Variants in SLIT1 observed in about 807,000 individuals in gnomAD.
SLIT1 encodes slit homolog 1 protein.
SLIT1 carries 66 observed loss-of-function variants against 186.1 expected under a neutral mutation model. That is an observed-to-expected ratio of 0.35 (90% CI 0.29 to 0.44). The LOEUF is 0.44. Among genes scored for constraint, SLIT1 ranks in the 20% least tolerant of loss-of-function variants. SLIT1 has a pLI of 1.00. For synonymous variants in SLIT1, 761 were observed against 833.8 expected (o/e 0.91, Z 1.50); for missense variants, 1,638 against 2,037.4 (o/e 0.80, Z 3.77).
At chr10:97,079,977 T>TGTTGC (rs1204148642) in intron 4 of SLIT1, among the ~76,000 whole-genome samples, 3 of 152,164 alleles carry the variant, frequency 2.0e-5, no homozygotes, top group Non-Finnish European at 4.4e-5. Context: ...CCAAATGCCT[T>TGTTGC]CTCTGCCTTG....
intron 4 of SLIT1, among the ~76,000 whole-genome samples, chr10:97,075,625 G>T (rs530290841): frequency 6.6e-6 from 1 of 152,204 alleles, no homozygotes; most frequent in Admixed American, 6.5e-5. Context: ...AGCCTCACAC[G>T]ACTGTTATCA....
intron 4 of SLIT1, chr10:97,102,036 A>G (rs1485141260): frequency 6.6e-6 from 1 of 152,212 alleles, no homozygotes; most frequent in Non-Finnish European, 1.5e-5. Flanking sequence ...CTCACCTGGC[A>G]GCTTGGACGA....
intron 4 of SLIT1, among the ~76,000 whole-genome samples, chr10:97,148,904 C>T (rs754039406): frequency 3.3e-5 from 5 of 152,218 alleles, no homozygotes; most frequent in Non-Finnish European, 7.3e-5. Context: ...CCAATGGTTA[C>T]GAATTCCGTT....
chr10:97,019,705 G>C (rs1323725087), intron 26 of SLIT1, among the ~76,000 whole-genome samples: 1 of 152,144 alleles, frequency 6.6e-6, no homozygotes, highest in Non-Finnish European at 1.5e-5. Context: ...TCTCCAGGAT[G>C]CACTGGTTGT....
chr10:97,037,048 TTGTGTGTG>T (rs59578209), intron 22 of SLIT1, among the ~76,000 whole-genome samples: 9,018 of 116,948 alleles, frequency 0.077, 271 homozygotes, highest in Middle Eastern at 0.11. Flanking sequence ...ATAACCCCCT[TTGTGTGTG>T]TGTGTGTGTG....
At chr10:97,157,948 C>G in intron 3 of SLIT1, 59 bp from the exon 4 acceptor site, 1 of 1,271,052 alleles carries the variant, frequency 7.9e-7, no homozygotes, top group South Asian at 1.2e-5. Flanking sequence ...CAAAGGACTT[C>G]TCAGAAAGCA....
chr10:97,111,464 G>A (rs1849463905), intron 4 of SLIT1, among the ~76,000 whole-genome samples: 1 of 152,246 alleles, frequency 6.6e-6, no homozygotes, highest in Non-Finnish European at 1.5e-5. Context: ...GCTCTGATAG[G>A]TGAAGTGACA....
Position 97,064,820 on chromosome 10 carries a change from C to A in SLIT1, c.542G>T (p.Arg181Leu), listed in dbSNP as rs1040716616. Residue 181 changes from arginine to leucine, a missense_variant, in exon 6 of 37, where the codon CGG (arginine) becomes CTG (leucine). Physicochemically the swap from Arg to Leu is moderately radical, Grantham distance 102. This residue lies in a region of SLIT1 where 1,245 missense variants were observed against 1,535.3 expected (regional missense o/e 0.81). Transcript: ENST00000266058. The stretch of plus-strand genomic sequence containing the variant: ...CTTTACTTACAGCACCTCCAGCCCC[C>A]GCAGAGCACGGAAGGCCCCTTCCTC... ...CIEEGAFRAL[R>L]GLEVLTLNNN... 6.2e-7 allele frequency: 1 copy of A among 1,611,632 alleles called. No individual in the cohort carries two copies. The highest frequency in any genetic ancestry group is 8.5e-7 in the Non-Finnish European group (1 of 1,178,836).
intron 34 of SLIT1, among the ~76,000 whole-genome samples, chr10:97,003,241 G>A (rs934020943): frequency 2.6e-5 from 4 of 152,238 alleles, no homozygotes; most frequent in East Asian, 1.9e-4. Context: ...CAGCTGCTGC[G>A]TGTGGCTCTG....
At chr10:97,087,829 A>G (rs935821711) in intron 4 of SLIT1, among the ~76,000 whole-genome samples, 2 of 151,894 alleles carry the variant, frequency 1.3e-5, no homozygotes, top group Non-Finnish European at 2.9e-5. Flanking sequence ...AATATTTCCC[A>G]TTTTCATCTT....
intron 28 of SLIT1, among the ~76,000 whole-genome samples, chr10:97,017,935 G>A (rs1053186033): frequency 1.5e-4 from 22 of 149,466 alleles, no homozygotes; most frequent in African/African-American, 4.7e-4. Context: ...TGCAACCTCC[G>A]CCTTCCAGTT....
Position 97,056,337 on chromosome 10 carries a change from G to A in SLIT1, c.1285C>T (p.Arg429Trp), listed in dbSNP as rs747594024. The change falls in exon 13 of 37, where the codon CGG (arginine) becomes TGG (tryptophan). Residue 429 changes from arginine (R) to tryptophan (W), a missense_variant. By Grantham distance (101) the Arg-to-Trp change is moderately radical. Around this residue, in one of 3 missense-constraint regions of SLIT1, gnomAD observed 1,245 missense variants for 1,535.3 expected, o/e 0.81. Transcript: ENST00000266058. ...GGCACTCACAGAGTCTGGATGGCCCGCAGGGAGGTGAAAGTGCCCTTGGCG... is the reference window on the plus strand; with the variant it reads ...GGCACTCACAGAGTCTGGATGGCCCACAGGGAGGTGAAAGTGCCCTTGGCG... ...SLAKGTFTSL[R>W]AIQTLHLAQN... is the part of the protein sequence containing the mutation. 6.2e-6 allele frequency: 10 copies of A among 1,614,016 alleles called. No individual in the cohort carries two copies. Among genetic ancestry groups the A allele is most frequent in the Admixed American group, 3.3e-5 (2 of 60,004 alleles).
chr10:97,095,243 A>G (rs1457280878), intron 4 of SLIT1, among the ~76,000 whole-genome samples: 1 of 152,262 alleles, frequency 6.6e-6, no homozygotes, highest in East Asian at 1.9e-4. Context: ...AGATTGCTCC[A>G]GTGCACTCCA....
At chr10:97,166,554 G>GA (rs1491239491) in intron 1 of SLIT1, among the ~76,000 whole-genome samples, 1,130 of 35,038 alleles carry the variant, frequency 0.032, 59 homozygotes, top group Non-Finnish European at 0.046. Flanking sequence ...AAGGAAGGAA[G>GA]GAAAGAGAGA....
intron 4 of SLIT1, among the ~76,000 whole-genome samples, chr10:97,136,366 G>A (rs954896903): frequency 1.3e-5 from 2 of 152,152 alleles, no homozygotes; most frequent in Admixed American, 1.3e-4. Flanking sequence ...ATGAAGTTAA[G>A]GAAACTTATA....
chr10:97,088,559 T>A (rs1182702723), intron 4 of SLIT1, among the ~76,000 whole-genome samples: 1 of 152,168 alleles, frequency 6.6e-6, no homozygotes, highest in Non-Finnish European at 1.5e-5. Flanking sequence ...CTGGATTAGC[T>A]TTTTTTATAC....
intron 13 of SLIT1, 68 bp from the exon 14 acceptor site, chr10:97,049,186 C>A: frequency 6.5e-7 from 1 of 1,545,624 alleles, no homozygotes; most frequent in Non-Finnish European, 8.7e-7. Context: ...TCCACCGGGA[C>A]AGGGCCTCGT....
chr10:97,144,448 A>G (rs1281280726), intron 4 of SLIT1, among the ~76,000 whole-genome samples: 1 of 152,182 alleles, frequency 6.6e-6, no homozygotes, highest in African/African-American at 2.4e-5. Context: ...CTTCCAGTGT[A>G]TGAAGTCACT....
chr10:97,125,851 A>C (rs1222221121), intron 4 of SLIT1, among the ~76,000 whole-genome samples: 1 of 150,936 alleles, frequency 6.6e-6, no homozygotes, highest in Non-Finnish European at 1.5e-5. Context: ...CAAAAACAAA[A>C]AAAAACAAAA....
Sources: gnomAD v4.1 joint callset for allele counts (sites outside exome capture counted in the v4.1 genomes callset) on GRCh38, gnomAD v4.1.1 for gene constraint, gnomAD v4.1.1 regional missense constraint, MANE v1.5 for transcripts, NCBI Gene and HGNC (gene_info 2026-07-23, HGNC 2026-07-21) for gene names.